The following STRA8 variants were observed in gnomAD, a reference collection of about 807,000 sequenced individuals.
The protein encoded by STRA8 is stimulated by retinoic acid gene 8 protein homolog.
In STRA8, 18 loss-of-function variants were observed where a neutral mutation model predicts 37.1. The observed-to-expected ratio is 0.48, with a 90% CI of 0.34 to 0.72. The LOEUF is 0.72. Among genes scored for constraint, STRA8 ranks in the 30% least tolerant of loss-of-function variants. The pLI, the probability that STRA8 is intolerant of heterozygous loss-of-function variation, is 0.01. For missense variants in STRA8, 357 were observed against 410.4 expected (o/e 0.87, Z 1.13); for synonymous variants, 168 against 162.9 (o/e 1.03, Z -0.24).
intron 1 of STRA8, 78 bp from the exon 2 acceptor site, chr7:135,240,441 T>G: frequency 6.8e-7 from 1 of 1,460,390 alleles, no homozygotes; most frequent in African/African-American, 1.4e-5. Flanking sequence ...TCTGCCTGCC[T>G]CAATTTGCCT....
chr7:135,258,187 G>C (rs1284612861), intron 8 of STRA8, among the ~76,000 whole-genome samples: 1 of 152,196 alleles, frequency 6.6e-6, no homozygotes, highest in East Asian at 1.9e-4. Context: ...AGCCAGTTCT[G>C]CTGTGTCCTT....
At chr7:135,251,769 C>A in intron 6 of STRA8, 27 bp from the exon 7 acceptor site, 1 of 1,612,654 alleles carries the variant, frequency 6.2e-7, no homozygotes, top group Non-Finnish European at 8.5e-7. Context: ...TTATTTCCAA[C>A]ACATGAAGTG....
intron 1 of STRA8, among the ~76,000 whole-genome samples, 71 bp downstream of exon 1, chr7:135,233,974 A>G (rs2117779402): frequency 6.6e-6 from 1 of 152,322 alleles, no homozygotes; most frequent in East Asian, 1.9e-4. Context: ...TAGACTTGAA[A>G]GAATTCAGTG....
intron 6 of STRA8, among the ~76,000 whole-genome samples, chr7:135,249,790 C>A (rs1832613455): frequency 6.6e-6 from 1 of 152,246 alleles, no homozygotes; most frequent in Admixed American, 6.5e-5. Context: ...AGGAAGAACA[C>A]ATCCAAAGAG....
intron 1 of STRA8, among the ~76,000 whole-genome samples, chr7:135,237,367 T>C (rs896852609): frequency 6.6e-6 from 1 of 152,202 alleles, no homozygotes; most frequent in African/African-American, 2.4e-5. Flanking sequence ...AGTTTTGTTT[T>C]TAAGTAACAG....
At position 135,243,398 on chromosome 7, in the gene STRA8, C is replaced by G. The variant is rs754136315; in HGVS notation, c.341C>G (p.Ser114Cys). 6.2e-7 allele frequency: 1 copy of G among 1,614,042 alleles called. No homozygotes were observed. Among genetic ancestry groups the G allele is most frequent in the South Asian group, 1.1e-5 (1 of 91,066 alleles). The change falls in exon 4 of 9, where the codon TCT becomes TGT. Residue 114 changes from serine (S) to cysteine (C), a missense_variant. Ser to Cys is a moderately radical substitution (Grantham distance 112). Transcript: ENST00000662584. ...EVKKEYASMYSGNDSLLSNSF... is the reference protein window; with the variant it reads ...EVKKEYASMYCGNDSLLSNSF... ...AAGAAAGAATATGCCAGCATGTATT[C>G]TGGAAATGACAGGTAAGACACCACA...
In STRA8 at chr7:135,252,009, A is replaced by AGT. The variant is rs1347220596; in HGVS notation, c.953+141_953+142insTG. 18 of 691,714 alleles carry AGT rather than the reference A, an allele frequency of 2.6e-5. No individual in the cohort carries two copies. The African/African-American group carries it at 4.5e-4, about 17-fold the overall frequency. The allele number at this position is 691,714 out of a possible 1,614,324, so 42.8% of individuals were successfully genotyped here. A position where few individuals can be genotyped will look rare whatever the true frequency, so the allele number is the denominator to read the frequency against. On this transcript the variant is annotated intron_variant, in intron 7 of 8. Transcript: ENST00000662584. ...AGAGAGAGGAGACAGAGGGAGAGAG[A>AGT]GAGAGTGTGTGTGTGTGTGTGTGTG...
chr7:135,252,013 A>T lies in STRA8; in HGVS notation c.953+144A>T, dbSNP rs59283997. ...AGAGGAGACAGAGGGAGAGAGAGAG[A>T]GTGTGTGTGTGTGTGTGTGTGTGTG... is the stretch of plus-strand genomic sequence containing the variant. On this transcript the variant is annotated intron_variant, in intron 7 of 8. Transcript: ENST00000662584. 0.025 allele frequency: 12,722 copies of T among 503,782 alleles called. 1,021 individuals are homozygous for T. Among genetic ancestry groups the T allele is most frequent in the African/African-American group, 0.22 (9,749 of 44,928 alleles). The allele number at this position is 503,782 out of a possible 1,614,324, so 31.2% of individuals were successfully genotyped here. A position where few individuals can be genotyped will look rare whatever the true frequency, so the allele number is the denominator to read the frequency against.
At chr7:135,251,681 C>T in intron 6 of STRA8, 115 bp from the exon 7 acceptor site, 1 of 979,528 alleles carries the variant, frequency 1.0e-6, no homozygotes, top group Non-Finnish European at 1.6e-6. Flanking sequence ...ACATGCATGC[C>T]CTCTGGGGTA....
Position 135,246,870 on chromosome 7 carries a change from A to C in STRA8, c.879+168A>C. The C allele has an allele frequency of 1.4e-6, 1 of 720,376 alleles. No homozygotes were observed. Among genetic ancestry groups the C allele is most frequent in the East Asian group, 3.0e-5 (1 of 33,390 alleles). 44.6% of individuals were successfully genotyped at this position (720,376 alleles called of 1,614,324 possible). A position where few individuals can be genotyped will look rare whatever the true frequency, so the allele number is the denominator to read the frequency against. Reference sequence around the variant, plus strand: ...TCTCTTTTTTTTTTTTTTGAGACGGAGTCTCGCTCTGTCGCCCAGGCTGGA... The same window carrying C: ...TCTCTTTTTTTTTTTTTTGAGACGGCGTCTCGCTCTGTCGCCCAGGCTGGA... On this transcript the variant is annotated intron_variant, in intron 6 of 8. Coordinates refer to ENST00000662584, the MANE Select transcript of STRA8 (RefSeq NM_001394401.1). The surrounding 1 kb of genome is among the most constrained non-coding windows in gnomAD (Gnocchi z 5.4).
chr7:135,245,079 G>A (rs1832525449), intron 4 of STRA8, among the ~76,000 whole-genome samples: 1 of 152,112 alleles, frequency 6.6e-6, no homozygotes, highest in Admixed American at 6.6e-5. Flanking sequence ...TCTGTAGTCT[G>A]TTGATATGGT....
In STRA8 at chr7:135,242,872, T is replaced by G. The variant is rs758390227; in HGVS notation, c.268+16T>G. 1.7e-5 allele frequency: 28 copies of G among 1,613,496 alleles called. No homozygotes were observed. The highest frequency in any genetic ancestry group is 1.0e-4 in the Admixed American group (6 of 59,964). ...AAGCTGAAAGGTAATGGAGCACTAC[T>G]TGCCAACCCCATCTCCCTCCCTGGA... On this transcript the variant is annotated intron_variant, in intron 3 of 8. Coordinates refer to ENST00000662584, the MANE Select transcript of STRA8 (RefSeq NM_001394401.1).
In STRA8 at chr7:135,258,415, C is replaced by A; in HGVS notation, c.1066-3C>A. 2 of 1,599,518 alleles carry A rather than the reference C, an allele frequency of 1.3e-6. No individual in the cohort carries two copies. Among genetic ancestry groups the A allele is most frequent in the Non-Finnish European group, 1.7e-6 (2 of 1,172,410 alleles). ...TGACCCTCTTCCACCCTGTGTCTTG[C>A]AGGAAGCATCCTTTCCCGTTGATGA... On this transcript the variant is annotated splice_region_variant and splice_polypyrimidine_tract_variant and intron_variant, in intron 8 of 8. Transcript: ENST00000662584.
intron 8 of STRA8, among the ~76,000 whole-genome samples, chr7:135,256,427 T>C (rs368480470): frequency 2.0e-5 from 3 of 152,172 alleles, no homozygotes; most frequent in African/African-American, 7.2e-5. Context: ...ACTTTGAGAA[T>C]AGACGAAAAG....
At chr7:135,243,261 G>A (rs1009175054) in intron 3 of STRA8, 65 bp from the exon 4 acceptor site, 1 of 1,568,782 alleles carries the variant, frequency 6.4e-7, no homozygotes, top group South Asian at 1.1e-5. Context: ...GGCCAGAAGG[G>A]TGGGAGAGAC....
intron 8 of STRA8, among the ~76,000 whole-genome samples, chr7:135,258,203 A>C (rs528067855): frequency 6.6e-6 from 1 of 152,100 alleles, no homozygotes; most frequent in Non-Finnish European, 1.5e-5. Flanking sequence ...TCCTTTCTGG[A>C]GGTCATAGAA....
intron 8 of STRA8, among the ~76,000 whole-genome samples, chr7:135,256,391 C>T (rs763907107): frequency 6.6e-6 from 1 of 152,202 alleles, no homozygotes; most frequent in South Asian, 2.1e-4. Context: ...CTCTCAGATA[C>T]AGTTAAATTA....
At chr7:135,239,189 T>A (rs1188173453) in intron 1 of STRA8, among the ~76,000 whole-genome samples, 4 of 152,238 alleles carry the variant, frequency 2.6e-5, no homozygotes, top group Non-Finnish European at 4.4e-5. Flanking sequence ...CCCTTCCTCA[T>A]AACCCCTTAA....
chr7:135,252,450 GAC>G (rs1337013171), intron 7 of STRA8, among the ~76,000 whole-genome samples: 1 of 152,154 alleles, frequency 6.6e-6, no homozygotes, highest in African/African-American at 2.4e-5. Context: ...TTTGGGTGGG[GAC>G]ACAGAGCCAA....
Sources: allele counts gnomAD v4.1 joint callset (sites outside exome capture counted in the v4.1 genomes callset), GRCh38; gene constraint gnomAD v4.1.1; non-coding constraint Gnocchi (gnomAD v3.1); transcripts MANE v1.5; gene names NCBI Gene and HGNC (gene_info 2026-07-23, HGNC 2026-07-21).